Variants in C5 observed in about 807,000 individuals in gnomAD.
The protein encoded by C5 is C3 and PZP-like alpha-2-macroglobulin domain-containing protein 4.
A neutral mutation model predicts 218.8 loss-of-function variants in C5; 140 were observed. That is an observed-to-expected ratio of 0.64 (90% CI 0.56 to 0.74). C5 has a LOEUF of 0.74. Ranked by LOEUF, C5 falls within the 30% of genes least tolerant of loss-of-function variation. The pLI is 0.00. For synonymous variants in C5, 614 were observed against 682.3 expected, an observed-to-expected ratio of 0.90 and a Z score of 1.56; for missense variants, 1,700 against 1,969.6, an observed-to-expected ratio of 0.86 and a Z score of 2.59.
intron 39 of C5, among the ~76,000 whole-genome samples, chr9:120,955,672 C>A (rs1045028098): frequency 3.9e-5 from 6 of 152,006 alleles, no homozygotes; most frequent in African/African-American, 1.4e-4. Flanking sequence ...AAATAAGTTT[C>A]ATACAATGAA....
At chr9:120,975,701 A>G (rs548249090) in intron 29 of C5, among the ~76,000 whole-genome samples, 1 of 152,276 alleles carries the variant, frequency 6.6e-6, no homozygotes, top group South Asian at 2.1e-4. Flanking sequence ...GAATGCCTTC[A>G]CCAGGTGCAG....
At chr9:121,067,640 G>A in the C5 span, among the ~76,000 whole-genome samples, 10 of 151,826 alleles carry the variant, frequency 6.6e-5, no homozygotes, top group East Asian at 1.2e-3. Flanking sequence ...GTGTCCCTAC[G>A]CAAATCTCAT....
At chr9:120,981,989 C>T (rs761959611) in intron 26 of C5, 50 bp from the exon 27 acceptor site, 44 of 1,193,902 alleles carry the variant, frequency 3.7e-5, no homozygotes, top group South Asian at 2.2e-4. Context: ...GTCTTTAAGG[C>T]GAAATGACCT....
rs373438320 is a variant in C5 at position 121,007,415 on chromosome 9, G to A, written c.2349-438C>T. On this transcript the variant is annotated intron_variant, in intron 18 of 40. Coordinates refer to ENST00000223642, the MANE Select transcript of C5 (RefSeq NM_001735.3). ...CTACCAACTTTGTATCAGGTATAGT[G>A]CTGAGTACTGAGTAAACAGCACTGA... Among the ~76,000 whole-genome samples the A allele has an allele frequency of 9.8e-5, 15 of 152,310 alleles. No individual in the cohort carries two copies. The East Asian group carries it at 1.7e-3, about 18-fold the overall frequency.
chr9:120,970,036 T>A (rs528803027), intron 32 of C5, 134 bp downstream of exon 32: 32 of 679,192 alleles, frequency 4.7e-5, no homozygotes, highest in Non-Finnish European at 7.9e-5. Context: ...TACTTGGATG[T>A]CAACCTGCTA....
intron 10 of C5, among the ~76,000 whole-genome samples, 187 bp downstream of exon 10, chr9:121,023,217 G>A (rs938457688): frequency 1.3e-5 from 2 of 152,152 alleles, no homozygotes; most frequent in Non-Finnish European, 2.9e-5. Flanking sequence ...TGAAGTCATT[G>A]CCAAGGCTGC....
At chr9:121,048,974 C>T (rs2047651661) in intron 1 of C5, among the ~76,000 whole-genome samples, 1 of 152,116 alleles carries the variant, frequency 6.6e-6, no homozygotes, top group Admixed American at 6.6e-5. Context: ...ATAATACTAC[C>T]TACCTGACCT....
Position 120,961,493 on chromosome 9 carries a change from T to C in C5, c.4577A>G (p.Lys1526Arg). Reference sequence around the variant, plus strand: ...TAAATAAAGTTTACCTTCTACACACTTGCACGCGGCTCCTTCACAGACTTT... The same window carrying C: ...TAAATAAAGTTTACCTTCTACACACCTGCACGCGGCTCCTTCACAGACTTT... ...IQKVCEGAAC[K>R]CVEADCGQMQ... Residue 1526 changes from lysine to arginine, a missense_variant, in exon 37 of 41, where the codon AAG (lysine) becomes AGG (arginine). Physicochemically the swap from Lys to Arg is conservative, Grantham distance 26. Coordinates refer to ENST00000223642, the MANE Select transcript of C5 (RefSeq NM_001735.3). The C allele has an allele frequency of 6.2e-7, 1 of 1,608,602 alleles. No individual in the cohort carries two copies. Among genetic ancestry groups the C allele is most frequent in the Non-Finnish European group, 8.5e-7 (1 of 1,174,978 alleles).
intron 23 of C5, among the ~76,000 whole-genome samples, chr9:120,990,372 A>C (rs1341814584): frequency 6.6e-6 from 1 of 152,138 alleles, no homozygotes; most frequent in East Asian, 1.9e-4. Context: ...TGCAAATATC[A>C]CTTCTGCAAA....
At chr9:121,062,328 C>T in the C5 span, among the ~76,000 whole-genome samples, 1 of 152,184 alleles carries the variant, frequency 6.6e-6, no homozygotes, top group Non-Finnish European at 1.5e-5. Context: ...AAATATCGTG[C>T]TGTCAGACTT....
At chr9:121,052,409 G>A (rs1202470462), upstream of C5, among the ~76,000 whole-genome samples, 1 of 139,636 alleles carries the variant, frequency 7.2e-6, no homozygotes, top group African/African-American at 2.7e-5. Context: ...CACAGATCAC[G>A]CCACCGCACT....
At chr9:120,958,280 C>T (rs2046801004) in intron 38 of C5, among the ~76,000 whole-genome samples, 1 of 152,158 alleles carries the variant, frequency 6.6e-6, no homozygotes, top group South Asian at 2.1e-4. Flanking sequence ...CTATGTGGGC[C>T]TGGGTACAGA....
chr9:121,027,034 A>T, intron 8 of C5, 126 bp downstream of exon 8: 1 of 698,182 alleles, frequency 1.4e-6, no homozygotes, highest in Non-Finnish European at 2.6e-6. Flanking sequence ...AAGGGAAGCC[A>T]ATGGAGGATT....
At chr9:121,023,800 C>T (rs565508098) in intron 9 of C5, among the ~76,000 whole-genome samples, 1 of 152,058 alleles carries the variant, frequency 6.6e-6, no homozygotes, top group South Asian at 2.1e-4. Context: ...GGAAGGATGC[C>T]AGGAAGGGAC....
chr9:121,066,816 C>T, the C5 span, among the ~76,000 whole-genome samples: 21 of 148,852 alleles, frequency 1.4e-4, 1 homozygote, highest in South Asian at 4.3e-3. Context: ...CGCTACTGCA[C>T]TCACTCCAGC....
At chr9:121,030,580 A>G in intron 6 of C5, 93 bp from the exon 7 acceptor site, 1 of 677,732 alleles carries the variant, frequency 1.5e-6, no homozygotes. Context: ...ATAGTTGGAC[A>G]AGCTGTAACA....
chr9:120,976,947 G>A, intron 28 of C5, 42 bp from the exon 29 acceptor site: 2 of 1,529,210 alleles, frequency 1.3e-6, no homozygotes, highest in Non-Finnish European at 1.8e-6. Context: ...GATTAAAAAT[G>A]TGAATTTGAC....
At chr9:121,050,100 G>A (rs2047660287) in intron 1 of C5, 82 bp downstream of exon 1, 1 of 1,109,836 alleles carries the variant, frequency 9.0e-7, no homozygotes, top group Admixed American at 1.7e-5. Context: ...TTATTTTCAA[G>A]TTAACAGAAT....
chr9:121,048,889 C>T (rs894905024), intron 1 of C5, among the ~76,000 whole-genome samples: 1 of 152,118 alleles, frequency 6.6e-6, no homozygotes, highest in Non-Finnish European at 1.5e-5. Context: ...TTAAGAGAAC[C>T]TTTCCTGGCC....
Sources: allele counts gnomAD v4.1 joint callset (sites outside exome capture counted in the v4.1 genomes callset), GRCh38; gene constraint gnomAD v4.1.1; transcripts MANE v1.5; gene names NCBI Gene and HGNC (gene_info 2026-07-23, HGNC 2026-07-21).